The following SGCE variants were observed in gnomAD, a reference collection of about 807,000 sequenced individuals.
SGCE encodes the protein sarcoglycan epsilon.
A neutral mutation model predicts 57.8 loss-of-function variants in SGCE; 26 were observed. The ratio of observed to expected loss-of-function variants is 0.45; its 90% CI spans 0.33 to 0.62. SGCE has a LOEUF of 0.62. SGCE is among the 20% of genes least tolerant of loss of function. The pLI, the probability that SGCE is intolerant of heterozygous loss-of-function variation, is 0.02. For missense variants in SGCE, 468 were observed against 548.6 expected (o/e 0.85, Z 1.47); for synonymous variants, 183 against 189.5 (o/e 0.97, Z 0.28).
Position 94,628,212 on chromosome 7 carries a change from G to C in SGCE, c.380C>G (p.Thr127Arg). 2 of 1,610,420 alleles carry C rather than the reference G, an allele frequency of 1.2e-6. No individual in the cohort carries two copies. Among genetic ancestry groups the C allele is most frequent in the African/African-American group, 2.7e-5 (2 of 74,718 alleles). ...CTAGGTGTAAATTACCTCAATGATT[G>C]TTGGCTTCCCCACATTTTCAGCTGT... ...SPTAENVGKP[T>R]IIEITAYNRR... Residue 127 changes from threonine to arginine, a missense_variant, in exon 3 of 11, where the codon ACA becomes AGA. Thr to Arg is a moderately conservative substitution (Grantham distance 71). Transcript: ENST00000648936.
At chr7:94,637,042 A>G (rs1489468125) in intron 1 of SGCE, among the ~76,000 whole-genome samples, 1 of 151,692 alleles carries the variant, frequency 6.6e-6, no homozygotes, top group Non-Finnish European at 1.5e-5. Flanking sequence ...CTAGGCAACA[A>G]GAGCGAAACT....
At chr7:94,650,875 A>C (rs1267872947) in intron 1 of SGCE, among the ~76,000 whole-genome samples, 1 of 152,210 alleles carries the variant, frequency 6.6e-6, no homozygotes, top group East Asian at 1.9e-4. Flanking sequence ...AAACACTTCC[A>C]GACCCTGTGA....
At chr7:94,602,255 T>C (rs1369909192) in intron 6 of SGCE, among the ~76,000 whole-genome samples, 1 of 152,082 alleles carries the variant, frequency 6.6e-6, no homozygotes, top group Non-Finnish European at 1.5e-5. Flanking sequence ...TTGAGCAAAT[T>C]TGCCTATAAT....
chr7:94,603,547 G>A (rs1354574923), intron 5 of SGCE, 95 bp from the exon 6 acceptor site: 2 of 1,196,548 alleles, frequency 1.7e-6, no homozygotes, highest in African/African-American at 1.5e-5. Flanking sequence ...CTTTTGAATT[G>A]AGAGATTAAC....
Position 94,601,443 on chromosome 7 carries a change from C to CAAAAAAAAAAAAAAAAAA in SGCE, c.826-604_826-587dup, listed in dbSNP as rs71123905. ...GTCTTACTTAATTCTATCCCAGTAT[C>CAAAAAAAAAAAAAAAAAA]AAAAAAAAAAAAAAAAAAAAAAAAA... is the stretch of plus-strand genomic sequence containing the variant. On this transcript the variant is annotated intron_variant, in intron 6 of 10. Transcript: ENST00000648936. Among the ~76,000 whole-genome samples the CAAAAAAAAAAAAAAAAAA allele has an allele frequency of 9.0e-5, 8 of 89,332 alleles. 2 individuals carry two copies. The highest frequency in any genetic ancestry group is 2.3e-4 in the African/African-American group (4 of 17,312). 58.6% of individuals were successfully genotyped at this position (89,332 alleles called of 152,430 possible).
intron 3 of SGCE, chr7:94,625,477 T>C (rs1365938144): frequency 6.6e-6 from 1 of 152,026 alleles, no homozygotes; most frequent in Admixed American, 6.6e-5. Context: ...AGTACATGTG[T>C]TTCTCTCCTA....
intron 2 of SGCE, 130 bp from the exon 3 acceptor site, chr7:94,628,489 A>G (rs1804127857): frequency 4.4e-6 from 3 of 674,254 alleles, no homozygotes; most frequent in East Asian, 5.5e-5. Flanking sequence ...CACACATACA[A>G]AACCCATCTG....
chr7:94,623,747 A>C (rs541030249), intron 3 of SGCE: 164 of 396,172 alleles, frequency 4.1e-4, no homozygotes, highest in African/African-American at 2.8e-3. Context: ...CAAAAAAAAA[A>C]CAATAATTTT....
At position 94,656,075 on chromosome 7, in the gene SGCE, C is replaced by T; in HGVS notation, c.24G>A (p.Glu8=). 3 of 1,611,816 alleles carry T rather than the reference C, an allele frequency of 1.9e-6. No individual in the cohort carries two copies. The highest frequency in any genetic ancestry group is 2.5e-6 in the Non-Finnish European group (3 of 1,177,956). MQLPRWW[E]LGDPCAWTGQ... is the part of the protein sequence containing the mutation. ...CCGTCCAAGCACAGGGGTCTCCCAG[C>T]TCCCACCACCGGGGCAATTGCATTC... Residue 8 remains glutamate (E), a synonymous_variant, in exon 1 of 11, where the codon GAG becomes GAA. Transcript: ENST00000648936.
At chr7:94,587,955 A>G in intron 10 of SGCE, 5 of 1,428,906 alleles carry the variant, frequency 3.5e-6, no homozygotes. Flanking sequence ...AGAATTCCAC[A>G]CCCAACTTAC....
At chr7:94,602,803 TC>T (rs541892305) in intron 6 of SGCE, among the ~76,000 whole-genome samples, 25 of 152,316 alleles carry the variant, frequency 1.6e-4, no homozygotes, top group Admixed American at 1.0e-3. Flanking sequence ...TGGGTAAGAT[TC>T]TAACTTTCTT....
chr7:94,636,766 GA>G (rs1168495848), intron 1 of SGCE, among the ~76,000 whole-genome samples: 1 of 152,136 alleles, frequency 6.6e-6, no homozygotes, highest in Non-Finnish European at 1.5e-5. Context: ...CTTTAGCTAA[GA>G]ATTGGAATAT....
rs775727447 is a variant in SGCE at position 94,600,749 on chromosome 7, C to T, written c.934G>A (p.Asp312Asn). 1.2e-6 allele frequency: 2 copies of T among 1,613,638 alleles called. No individual in the cohort carries two copies. Among genetic ancestry groups the T allele is most frequent in the Non-Finnish European group, 1.7e-6 (2 of 1,179,832 alleles). ...GTAATTAGGAAATCCGTGTAATAGT[C>T]TCTGCTTTTCAAAGAATCAGAAGGG... The part of the protein sequence containing the change: ...KPPSDSLKSR[D>N]YYTDFLITLA... Residue 312 changes from aspartate (D) to asparagine (N), a missense_variant, in exon 7 of 11, where the codon GAC (aspartate) becomes AAC (asparagine). Transcript: ENST00000648936.
In SGCE at chr7:94,598,785, G is replaced by C. The variant is rs1798785116; in HGVS notation, c.1243C>G (p.Gln415Glu). Residue 415 changes from glutamine (Q) to glutamate (E), a missense_variant, in exon 9 of 11, where the codon CAA becomes GAA. Transcript: ENST00000648936. ...NYDSTNMPLM[Q>E]TQQNLPHQTQ... ...TAAGTGGACACTTACTGCTGCGTTT[G>C]CATCAATGGCATGTTTGTGCTATCA... The C allele has an allele frequency of 6.2e-7, 1 of 1,608,122 alleles. No homozygotes were observed. The highest frequency in any genetic ancestry group is 8.5e-7 in the Non-Finnish European group (1 of 1,174,678).
In SGCE at chr7:94,603,375, C is replaced by G. The variant is rs1393244703; in HGVS notation, c.740G>C (p.Arg247Thr). 6.2e-7 allele frequency: 1 copy of G among 1,612,690 alleles called. No individual in the cohort carries two copies. The highest frequency in any genetic ancestry group is 1.3e-5 in the African/African-American group (1 of 74,984). ...REVENPQNQL[R>T]CSQEMEPVIT... ...TACAGGCTCCATTTCTTGACTACATCTCAATTGATTCTGTGGATTTTCAAC... is the reference window on the plus strand; with the variant it reads ...TACAGGCTCCATTTCTTGACTACATGTCAATTGATTCTGTGGATTTTCAAC... The change falls in exon 6 of 11, where the codon AGA becomes ACA. Residue 247 changes from arginine to threonine, a missense_variant. By Grantham distance (71) the Arg-to-Thr change is moderately conservative. Coordinates refer to ENST00000648936, the MANE Select transcript of SGCE (RefSeq NM_003919.3).
At chr7:94,644,620 G>T (rs1160248522) in intron 1 of SGCE, 2 of 1,282,356 alleles carry the variant, frequency 1.6e-6, no homozygotes, top group East Asian at 5.6e-5. Context: ...AAAGCAAACT[G>T]TCAAGTCTTT....
intron 5 of SGCE, among the ~76,000 whole-genome samples, chr7:94,610,112 C>A (rs558700831): frequency 2.0e-3 from 309 of 152,252 alleles, no homozygotes; most frequent in Non-Finnish European, 3.4e-3. Context: ...TATGGAAAGG[C>A]TACAGACTAC....
chr7:94,586,030 T>C (rs1210489524), intron 10 of SGCE, among the ~76,000 whole-genome samples: 2 of 97,992 alleles, frequency 2.0e-5, no homozygotes, highest in South Asian at 2.9e-4. Flanking sequence ...AAAGCTTTGA[T>C]AGGAATTTAA....
chr7:94,634,118 TGTTTAG>T (rs1805173921), intron 1 of SGCE, among the ~76,000 whole-genome samples: 1 of 152,200 alleles, frequency 6.6e-6, no homozygotes, highest in Non-Finnish European at 1.5e-5. Context: ...GTACCCAGTA[TGTTTAG>T]GTCTCTCTTA....
Sources: allele counts gnomAD v4.1 joint callset (sites outside exome capture counted in the v4.1 genomes callset), GRCh38; gene constraint gnomAD v4.1.1; transcripts MANE v1.5; gene names NCBI Gene and HGNC (gene_info 2026-07-23, HGNC 2026-07-21).